The following KYAT3 variants were observed in gnomAD, a reference collection of about 807,000 sequenced individuals.
The protein encoded by KYAT3 is kynurenine--oxoglutarate transaminase 3.
A neutral mutation model predicts 59.0 loss-of-function variants in KYAT3; 50 were observed. The observed-to-expected ratio is 0.85, with a 90% CI of 0.68 to 1.07. The LOEUF (loss-of-function observed/expected upper bound fraction) is 1.07, where lower values mean the gene tolerates loss of function less well. Among genes scored for constraint, KYAT3 ranks in the 50% least tolerant of loss-of-function variants. The probability of loss-of-function intolerance (pLI) is 0.00; values close to 1 mark genes in which losing one functional copy is unlikely to be tolerated. For missense variants in KYAT3, 497 were observed against 533.3 expected (o/e 0.93, Z 0.67); for synonymous variants, 148 against 177.0 (o/e 0.84, Z 1.30).
the KYAT3 span, among the ~76,000 whole-genome samples, chr1:88,927,218 C>T: frequency 6.6e-6 from 1 of 151,780 alleles, no homozygotes; most frequent in Non-Finnish European, 1.5e-5. Context: ...GGGAAACATT[C>T]CCCCCAAGGC....
In KYAT3 at chr1:88,943,085, A is replaced by G; in HGVS notation, c.1222T>C (p.Ser408Pro). Residue 408 changes from serine to proline, a missense_variant, in exon 13 of 14, where the codon TCA (serine) becomes CCA (proline). By Grantham distance (74) the Ser-to-Pro change is moderately conservative. This residue lies in a region of KYAT3 where 469 missense variants were observed against 479.1 expected (regional missense o/e 0.98). Coordinates refer to ENST00000260508, the MANE Select transcript of KYAT3 (RefSeq NM_001008661.3). Reference sequence around the variant, plus strand: ...CAGAATGCTGAAACGGGGATGGCTGATAGTTTCTGAAAAATAAATAGAAAC... The same window carrying G: ...CAGAATGCTGAAACGGGGATGGCTGGTAGTTTCTGAAAAATAAATAGAAAC... ...VKWMTKHKKL[S>P]AIPVSAFCNS... The G allele has an allele frequency of 3.7e-6, 6 of 1,608,296 alleles. No individual in the cohort carries two copies. The highest frequency in any genetic ancestry group is 5.1e-6 in the Non-Finnish European group (6 of 1,175,774).
the KYAT3 span, among the ~76,000 whole-genome samples, chr1:88,925,741 C>A: frequency 1.3e-5 from 2 of 149,546 alleles, no homozygotes; most frequent in African/African-American, 4.9e-5. Flanking sequence ...AGAGGAGAGA[C>A]AGAGGAGATA....
In KYAT3 at chr1:88,982,725, G is replaced by A. The variant is rs759421708; in HGVS notation, c.99+5527C>T. ...GGGCCAGCACCTCTTGGTGCTCCGCGGCTTGAACTGCTGTAGGAATCACGT... is the reference window on the plus strand; with the variant it reads ...GGGCCAGCACCTCTTGGTGCTCCGCAGCTTGAACTGCTGTAGGAATCACGT... On this transcript the variant is annotated intron_variant, in intron 2 of 13. Transcript: ENST00000260508. 8.7e-6 allele frequency: 14 copies of A among 1,613,728 alleles called. No individual in the cohort carries two copies. The Admixed American group carries it at 1.0e-4, about 12-fold the overall frequency.
chr1:88,943,868 C>T (rs1019906111), intron 11 of KYAT3, among the ~76,000 whole-genome samples: 1 of 152,158 alleles, frequency 6.6e-6, no homozygotes, highest in Non-Finnish European at 1.5e-5. Flanking sequence ...TGTTTGGTAA[C>T]CTATCGTATT....
downstream of KYAT3, among the ~76,000 whole-genome samples, chr1:88,934,230 G>A (rs983886722): frequency 2.0e-5 from 3 of 152,086 alleles, no homozygotes; most frequent in Admixed American, 6.5e-5. Context: ...TGAGGCGGGC[G>A]GATCACTTGA....
At chr1:88,989,038 G>A (rs1349641452) in intron 1 of KYAT3, among the ~76,000 whole-genome samples, 1 of 152,150 alleles carries the variant, frequency 6.6e-6, no homozygotes, top group Non-Finnish European at 1.5e-5. Flanking sequence ...TTACAATACT[G>A]CCACTTAGAA....
intron 8 of KYAT3, among the ~76,000 whole-genome samples, chr1:88,956,866 T>G (rs890904269): frequency 7.9e-5 from 12 of 152,200 alleles, no homozygotes; most frequent in Admixed American, 2.6e-4. Context: ...CTTTGTGGAT[T>G]CCTCAAGTAA....
chr1:88,970,579 A>G (rs1378931153), intron 2 of KYAT3, among the ~76,000 whole-genome samples: 1 of 152,178 alleles, frequency 6.6e-6, no homozygotes, highest in Non-Finnish European at 1.5e-5. Context: ...CTGCCTCTTA[A>G]AAGTATATTA....
chr1:88,949,307 A>T, intron 10 of KYAT3, 30 bp from the exon 11 acceptor site: 1 of 1,469,216 alleles, frequency 6.8e-7, no homozygotes, highest in Non-Finnish European at 9.1e-7. Context: ...AAATATGAAA[A>T]GGCATATGGC....
intron 2 of KYAT3, 84 bp downstream of exon 2, chr1:88,988,168 G>A (rs980441938): frequency 2.4e-6 from 2 of 832,192 alleles, no homozygotes; most frequent in South Asian, 1.7e-5. Flanking sequence ...TAAAGTATTT[G>A]TAAAAAAGCA....
intron 2 of KYAT3, among the ~76,000 whole-genome samples, chr1:88,974,901 G>T (rs1008718923): frequency 2.0e-5 from 3 of 152,132 alleles, no homozygotes; most frequent in Non-Finnish European, 4.4e-5. Context: ...TCTGTAAAAT[G>T]GACCAATCAG....
At chr1:88,981,210 T>G (rs936754123) in intron 2 of KYAT3, 5 of 152,224 alleles carry the variant, frequency 3.3e-5, no homozygotes, top group African/African-American at 1.2e-4. Flanking sequence ...CAGATGTCAC[T>G]CATAAGTTTT....
Position 88,984,094 on chromosome 1 carries a change from A to T in KYAT3, c.99+4158T>A, listed in dbSNP as rs1677289385. 4 of 488,024 alleles carry T rather than the reference A, an allele frequency of 8.2e-6. No individual in the cohort carries two copies. The East Asian group carries it at 1.4e-4, about 17-fold the overall frequency. The allele number at this position is 488,024 out of a possible 1,614,324, so 30.2% of individuals were successfully genotyped here. A position where few individuals can be genotyped will look rare whatever the true frequency, so the allele number is the denominator to read the frequency against. On this transcript the variant is annotated intron_variant, in intron 2 of 13. Transcript: ENST00000260508. ...GTAATGGTGGAAGAAATGAAAGTAA[A>T]ACTCAGAAGTGGAAATGTAAAGCAG...
intron 2 of KYAT3, among the ~76,000 whole-genome samples, chr1:88,977,083 C>T (rs2101068880): frequency 6.6e-6 from 1 of 152,304 alleles, no homozygotes; most frequent in African/African-American, 2.4e-5. Flanking sequence ...GGCACGATCT[C>T]GGCTTACCAC....
intron 2 of KYAT3, among the ~76,000 whole-genome samples, chr1:88,978,238 C>T (rs955692009): frequency 1.3e-5 from 2 of 152,102 alleles, no homozygotes; most frequent in Non-Finnish European, 1.5e-5. Flanking sequence ...TAAAAAGAAA[C>T]TGTTATGTTC....
chr1:88,948,772 C>T (rs557901277), intron 11 of KYAT3, among the ~76,000 whole-genome samples: 1 of 152,232 alleles, frequency 6.6e-6, no homozygotes, highest in Admixed American at 6.5e-5. Flanking sequence ...CAATTTTACT[C>T]AAATGAACAC....
intron 2 of KYAT3, among the ~76,000 whole-genome samples, chr1:88,975,443 GCC>G (rs1676745538): frequency 6.6e-6 from 1 of 152,118 alleles, no homozygotes; most frequent in Non-Finnish European, 1.5e-5. Flanking sequence ...GAGCCACAGC[GCC>G]CAGCCCCACA....
intron 11 of KYAT3, among the ~76,000 whole-genome samples, chr1:88,947,466 A>G (rs1057022255): frequency 1.3e-5 from 2 of 152,120 alleles, no homozygotes; most frequent in Non-Finnish European, 2.9e-5. Flanking sequence ...GAGAGTGGCT[A>G]TCTCTGTGGA....
chr1:88,930,181 AGCAGT>A, the KYAT3 span, among the ~76,000 whole-genome samples: 1 of 152,234 alleles, frequency 6.6e-6, no homozygotes, highest in African/African-American at 2.4e-5. Context: ...TGGTAGTGGC[AGCAGT>A]AACAGTCTTA....
Sources: allele counts gnomAD v4.1 joint callset (sites outside exome capture counted in the v4.1 genomes callset), GRCh38; gene constraint gnomAD v4.1.1; regional missense constraint gnomAD v4.1.1; transcripts MANE v1.5; gene names NCBI Gene and HGNC (gene_info 2026-07-23, HGNC 2026-07-21).